ANK2: variants seen among roughly 807,000 people sequenced by gnomAD.
ANK2 encodes ankyrin 2.
In ANK2, 83 loss-of-function variants were observed where a neutral mutation model predicts 360.5. The observed-to-expected ratio is 0.23, with a 90% confidence interval of 0.19 to 0.28. The LOEUF (loss-of-function observed/expected upper bound fraction) is 0.28, where lower values mean the gene tolerates loss of function less well. Among genes scored for constraint, ANK2 ranks in the 10% least tolerant of loss-of-function variants. The probability of loss-of-function intolerance (pLI) is 1.00; values close to 1 mark genes in which losing one functional copy is unlikely to be tolerated. For synonymous variants in ANK2, 1,740 were observed against 1,759.5 expected (o/e 0.99, Z 0.28); for missense variants, 4,201 against 4,795.7 (o/e 0.88, Z 3.66).
intron 10 of ANK2, 107 bp from the exon 11 acceptor site, chr4:113,255,628 C>T (rs998792756): frequency 2.7e-6 from 3 of 1,124,578 alleles, no homozygotes; most frequent in African/African-American, 1.6e-5. Context: ...TATTTTTTCC[C>T]CTGCCACTAA....
At chr4:113,053,785 A>G (rs894015939) in intron 1 of ANK2, among the ~76,000 whole-genome samples, 1 of 152,010 alleles carries the variant, frequency 6.6e-6, no homozygotes, top group Non-Finnish European at 1.5e-5. Context: ...CTTTTTGTAG[A>G]GACAGTCTCC....
intron 4 of ANK2, among the ~76,000 whole-genome samples, chr4:113,229,261 C>CG (rs1274463469): frequency 2.6e-5 from 4 of 152,188 alleles, no homozygotes; most frequent in African/African-American, 9.7e-5. Flanking sequence ...TGTTTCCTTC[C>CG]GGAGGCTCTA....
chr4:113,264,828 A>G, intron 13 of ANK2, 69 bp from the exon 14 acceptor site: 6 of 1,478,976 alleles, frequency 4.1e-6, no homozygotes, highest in Admixed American at 2.0e-5. Flanking sequence ...ACAAAAAGGG[A>G]CAACTTTATT....
At position 113,354,172 on chromosome 4, in the gene ANK2, G is replaced by C; in HGVS notation, c.5554G>C (p.Glu1852Gln). Residue 1852 changes from glutamate (E) to glutamine (Q), a missense_variant, in exon 38 of 46, where the codon GAG (glutamate) becomes CAG (glutamine). Physicochemically the swap from Glu to Gln is conservative, Grantham distance 29. Transcript: ENST00000357077. ...TCCAGTATCACCATCAAGTAAAACT[G>C]AGAAACACTCACCTGTGTCACCCTC... ...HPPVSPSSKT[E>Q]KHSPVSPSAK... 6.2e-7 allele frequency: 1 copy of C among 1,613,980 alleles called. No individual in the cohort carries two copies. The highest frequency in any genetic ancestry group is 1.1e-5 in the South Asian group (1 of 91,074).
intron 1 of ANK2, among the ~76,000 whole-genome samples, chr4:113,148,565 A>G (rs1367065101): frequency 6.6e-6 from 1 of 152,196 alleles, no homozygotes; most frequent in African/African-American, 2.4e-5. Flanking sequence ...ACTTTAGACC[A>G]TGAGCATGAA....
the ANK2 span, among the ~76,000 whole-genome samples, chr4:112,728,722 G>C: frequency 6.6e-6 from 1 of 151,992 alleles, no homozygotes; most frequent in Non-Finnish European, 1.5e-5. Flanking sequence ...CTGGGTAACA[G>C]AGCAAAAGTG....
chr4:112,775,842 C>T, the ANK2 span, among the ~76,000 whole-genome samples: 16 of 152,126 alleles, frequency 1.1e-4, no homozygotes, highest in Non-Finnish European at 2.2e-4. Flanking sequence ...GTCTTGGAGG[C>T]GGATGGGACT....
intron 1 of ANK2, among the ~76,000 whole-genome samples, chr4:112,822,829 AT>A (rs927541879): frequency 2.0e-5 from 3 of 152,064 alleles, no homozygotes; most frequent in Non-Finnish European, 4.4e-5. Context: ...TTTCAGATTA[AT>A]TTTTTCCCTG....
chr4:113,070,826 G>A (rs2077279207), intron 1 of ANK2, among the ~76,000 whole-genome samples: 1 of 151,788 alleles, frequency 6.6e-6, no homozygotes, highest in Non-Finnish European at 1.5e-5. Context: ...TTAATTTATG[G>A]TATATGTCAT....
At chr4:112,913,498 C>T (rs945605421) in intron 2 of ANK2, among the ~76,000 whole-genome samples, 8 of 152,168 alleles carry the variant, frequency 5.3e-5, no homozygotes, top group African/African-American at 1.9e-4. Context: ...TTTCTTAATA[C>T]TGTGTTTCTG....
chr4:113,301,835 G>C (rs2075179424), intron 22 of ANK2, among the ~76,000 whole-genome samples: 1 of 152,164 alleles, frequency 6.6e-6, no homozygotes, highest in Non-Finnish European at 1.5e-5. Flanking sequence ...AATTTTCCTT[G>C]AGTGCAAGAA....
intron 26 of ANK2, among the ~76,000 whole-genome samples, chr4:113,321,106 C>T (rs1418512699): frequency 2.6e-5 from 4 of 152,150 alleles, no homozygotes; most frequent in East Asian, 1.9e-4. Flanking sequence ...CACTGACACT[C>T]GTATGTGACA....
rs936849897 is a variant in ANK2, at chr4:112,912,204, G to A, written c.21+7690G>A. On this transcript the variant is annotated intron_variant, in intron 2 of 30. Transcript: ENST00000503271. ...AAAAAAAAAAAAAGAAACTGATGTG[G>A]CACTTTAGGGACGGCAAGTGCAGTT... Among the ~76,000 whole-genome samples, 36 of 151,822 alleles carry A rather than the reference G, an allele frequency of 2.4e-4. 1 individual carries two copies. Among genetic ancestry groups the A allele is most frequent in the Non-Finnish European group, 1.5e-4 (10 of 67,968 alleles).
At chr4:112,941,384 A>G (rs993492451) in intron 2 of ANK2, among the ~76,000 whole-genome samples, 1 of 145,582 alleles carries the variant, frequency 6.9e-6, no homozygotes, top group East Asian at 2.0e-4. Flanking sequence ...ATACATATTA[A>G]AAAGAGTATG....
chr4:113,268,173 A>C (rs2056992533), intron 14 of ANK2, among the ~76,000 whole-genome samples: 1 of 152,160 alleles, frequency 6.6e-6, no homozygotes, highest in Admixed American at 6.5e-5. Context: ...GGTTTTCAAA[A>C]TATACAATCA....
At chr4:113,142,828 G>C (rs1235115528) in intron 1 of ANK2, among the ~76,000 whole-genome samples, 2 of 152,110 alleles carry the variant, frequency 1.3e-5, no homozygotes, top group Non-Finnish European at 2.9e-5. Flanking sequence ...CATACTCTCA[G>C]TGGTTTTTTC....
intron 1 of ANK2, among the ~76,000 whole-genome samples, chr4:113,104,319 T>A (rs1276560882): frequency 6.6e-6 from 1 of 152,200 alleles, no homozygotes; most frequent in African/African-American, 2.4e-5. Flanking sequence ...TTTGTCTTTA[T>A]ACAAAATAAA....
chr4:113,247,576 G>A (rs949849661), intron 9 of ANK2, among the ~76,000 whole-genome samples: 1 of 152,194 alleles, frequency 6.6e-6, no homozygotes, highest in Admixed American at 6.5e-5. Context: ...TTTGCAGAAA[G>A]CAATACTCTG....
the ANK2 span, among the ~76,000 whole-genome samples, chr4:112,713,945 C>CA: frequency 3.8e-3 from 345 of 91,340 alleles, 3 homozygotes; most frequent in Middle Eastern, 6.7e-3. Context: ...AAAAAAAAAA[C>CA]AAAAAAAAAA....
Sources: allele counts gnomAD v4.1 joint callset (sites outside exome capture counted in the v4.1 genomes callset), GRCh38; gene constraint gnomAD v4.1.1; transcripts MANE v1.5; gene names NCBI Gene and HGNC (gene_info 2026-07-23, HGNC 2026-07-21).